SHLD2: variants seen among roughly 807,000 people sequenced by gnomAD.
The protein encoded by SHLD2 is shieldin complex subunit 2, also known as RINN1-REV7-interacting novel NHEJ regulator 2.
SHLD2 carries 30 observed loss-of-function variants against 73.2 expected under a neutral mutation model. The observed-to-expected ratio is 0.41, with a 90% CI of 0.31 to 0.56. The LOEUF is 0.56. Ranked by LOEUF, SHLD2 falls within the 20% of genes least tolerant of loss-of-function variation. The pLI, the probability that SHLD2 is intolerant of heterozygous loss-of-function variation, is 0.28. For missense variants in SHLD2, 745 were observed against 1,055.9 expected (o/e 0.71, Z 4.08); for synonymous variants, 285 against 370.1 (o/e 0.77, Z 2.64).
intron 2 of SHLD2, among the ~76,000 whole-genome samples, chr10:87,114,852 GA>G (rs1843145824): frequency 1.3e-5 from 2 of 152,206 alleles, no homozygotes; most frequent in East Asian, 3.8e-4. Context: ...GAGATAGTTT[GA>G]TATGAGAGGT....
intron 2 of SHLD2, among the ~76,000 whole-genome samples, chr10:87,098,976 A>C (rs182600231): frequency 6.6e-6 from 1 of 151,996 alleles, no homozygotes; most frequent in Admixed American, 6.5e-5. Flanking sequence ...GGGTTTCACT[A>C]TGTTGCCCAG....
At chr10:87,120,542 C>T (rs1171026260) in intron 2 of SHLD2, among the ~76,000 whole-genome samples, 5 of 152,112 alleles carry the variant, frequency 3.3e-5, no homozygotes, top group Admixed American at 6.5e-5. Context: ...CCACCGCGCC[C>T]GGCCGTGTTG....
intron 4 of SHLD2, among the ~76,000 whole-genome samples, chr10:87,168,428 C>T (rs1847353338): frequency 6.6e-6 from 1 of 151,832 alleles, no homozygotes; most frequent in South Asian, 2.1e-4. Flanking sequence ...AAAACCCTGT[C>T]TCTACAAAAA....
rs766866581 is a variant in SHLD2, at chr10:87,151,384, T to C, written c.30T>C (p.Phe10=). MSGGSQVHI[F]WGAPIAPLKI... ...GTGGAGGATCTCAAGTCCACATTTT[T>C]TGGGGTGCTCCAATTGCTCCACTGA... Residue 10 remains phenylalanine (F), a synonymous_variant, in exon 3 of 10, where the codon TTT becomes TTC. Transcript: ENST00000298786. 7 of 1,573,376 alleles carry C rather than the reference T, an allele frequency of 4.4e-6. No individual in the cohort carries two copies. The highest frequency in any genetic ancestry group is 6.0e-6 in the Non-Finnish European group (7 of 1,164,286).
At chr10:87,094,851 C>T (rs192909203), upstream of SHLD2, 3 of 1,148,084 alleles carry the variant, frequency 2.6e-6, no homozygotes, top group African/African-American at 3.2e-5. The surrounding 1 kb of genome is among the most constrained non-coding windows in gnomAD (Gnocchi z 6.6). Context: ...GAGGAAGGGT[C>T]CCGCGCGGGT....
rs769221597 is a variant in SHLD2 at position 87,151,755 on chromosome 10, A to T, written c.401A>T (p.Glu134Val). 1.2e-6 allele frequency: 2 copies of T among 1,611,998 alleles called. No individual in the cohort carries two copies. The highest frequency in any genetic ancestry group is 3.3e-5 in the Admixed American group (2 of 60,016). Residue 134 changes from glutamate to valine, a missense_variant, in exon 3 of 10, where the codon GAA becomes GTA. Around this residue, in one of 5 missense-constraint regions of SHLD2, gnomAD observed 280 missense variants for 353.9 expected, o/e 0.79. Coordinates refer to ENST00000298786, the MANE Select transcript of SHLD2 (RefSeq NM_001330112.2). Reference protein sequence around the residue: ...GFKSTVPHFTEEEKYQKLLSE... With the variant: ...GFKSTVPHFTVEEKYQKLLSE... Reference sequence around the variant, plus strand: ...AAAAGCACAGTTCCGCATTTCACCGAAGAAGAAAAGTATCAAAAGCTTCTC... The same window carrying T: ...AAAAGCACAGTTCCGCATTTCACCGTAGAAGAAAAGTATCAAAAGCTTCTC...
At chr10:87,110,306 A>C (rs1842840136) in intron 2 of SHLD2, among the ~76,000 whole-genome samples, 1 of 148,654 alleles carries the variant, frequency 6.7e-6, no homozygotes, top group Non-Finnish European at 1.5e-5. Flanking sequence ...TAAGTAAATA[A>C]ATAAATAAAA....
chr10:87,112,938 A>G (rs1361058092), intron 2 of SHLD2, among the ~76,000 whole-genome samples: 6 of 152,224 alleles, frequency 3.9e-5, no homozygotes, highest in Non-Finnish European at 2.9e-5. Context: ...ATGTCCATAC[A>G]AATACTTGTA....
intron 8 of SHLD2, among the ~76,000 whole-genome samples, chr10:87,181,239 A>ATT (rs1307843612): frequency 7.0e-6 from 1 of 142,970 alleles, no homozygotes; most frequent in Non-Finnish European, 1.5e-5. Flanking sequence ...AAAAAAAAAA[A>ATT]GCTGGGCAGG....
intron 3 of SHLD2, among the ~76,000 whole-genome samples, chr10:87,154,998 G>C (rs1412565608): frequency 6.6e-6 from 1 of 152,056 alleles, no homozygotes; most frequent in South Asian, 2.1e-4. Flanking sequence ...GCAGGGGCGC[G>C]ATGTCTGCTC....
At chr10:87,103,555 T>A (rs1264102110) in intron 2 of SHLD2, among the ~76,000 whole-genome samples, 1 of 152,216 alleles carries the variant, frequency 6.6e-6, no homozygotes, top group Non-Finnish European at 1.5e-5. Context: ...CAAACTTTTG[T>A]GCCAAAGTTT....
intron 2 of SHLD2, among the ~76,000 whole-genome samples, chr10:87,109,334 T>C (rs965469349): frequency 6.6e-6 from 1 of 152,004 alleles, no homozygotes; most frequent in African/African-American, 2.4e-5. Context: ...GTTTCATTCT[T>C]GTTGCTCAGG....
At chr10:87,129,218 G>A (rs1476778801) in intron 2 of SHLD2, among the ~76,000 whole-genome samples, 2 of 152,176 alleles carry the variant, frequency 1.3e-5, no homozygotes, top group African/African-American at 4.8e-5. Flanking sequence ...AGCTTCCCGA[G>A]TAGCTGAGAT....
intron 1 of SHLD2, among the ~76,000 whole-genome samples, chr10:87,096,159 C>T (rs1841860191): frequency 7.8e-6 from 1 of 127,556 alleles, no homozygotes; most frequent in African/African-American, 3.3e-5. Context: ...GATTCTCCTG[C>T]CTCAGCCTCG....
At chr10:87,124,835 C>T (rs551043902) in intron 2 of SHLD2, among the ~76,000 whole-genome samples, 81 of 150,694 alleles carry the variant, frequency 5.4e-4, no homozygotes, top group Middle Eastern at 3.5e-3. Flanking sequence ...GCCTGAACCT[C>T]CTGGGCTCAA....
intron 8 of SHLD2, among the ~76,000 whole-genome samples, chr10:87,186,226 G>A (rs1848610982): frequency 6.6e-6 from 1 of 152,056 alleles, no homozygotes; most frequent in Admixed American, 6.6e-5. Context: ...GGGGGAAGTG[G>A]GTTTTTAGGG....
chr10:87,094,809 A>C, upstream of SHLD2: 1 of 1,479,728 alleles, frequency 6.8e-7, no homozygotes. This position sits in a 1 kb window ranked among gnomAD's most constrained non-coding sequence, Gnocchi z 6.6. Context: ...GTCGCGAAAC[A>C]GGCGCGCTTT....
chr10:87,159,982 TA>T, intron 4 of SHLD2, among the ~76,000 whole-genome samples: 1 of 152,326 alleles, frequency 6.6e-6, no homozygotes, highest in East Asian at 1.9e-4. Flanking sequence ...ATTTCAAATT[TA>T]AAAGTTTTTT....
rs750286327 is a variant in SHLD2, at chr10:87,190,551, C to T, written c.2583C>T (p.Ser861=). 69 of 1,611,760 alleles carry T rather than the reference C, an allele frequency of 4.3e-5. No individual in the cohort carries two copies. The highest frequency in any genetic ancestry group is 2.2e-4 in the Middle Eastern group (1 of 4,452). ...TGTTCCACTCCTTGTTGGCAGTCAG[C>T]GCAGAACCTTGTGTATTAAAGATTC... ...ADLFHSLLAV[S]AEPCVLKIQS... The change falls in exon 10 of 10, where the codon AGC becomes AGT. Residue 861 remains serine (S), a synonymous_variant. Transcript: ENST00000298786.
Sources: allele counts gnomAD v4.1 joint callset (sites outside exome capture counted in the v4.1 genomes callset), GRCh38; gene constraint gnomAD v4.1.1; regional missense constraint gnomAD v4.1.1; non-coding constraint Gnocchi (gnomAD v3.1); transcripts MANE v1.5; gene names NCBI Gene and HGNC (gene_info 2026-07-23, HGNC 2026-07-21).